CACNA2D1: variants seen among roughly 807,000 people sequenced by gnomAD.
CACNA2D1 encodes calcium voltage-gated channel auxiliary subunit alpha2delta 1, also known as voltage-dependent calcium channel subunit alpha-2/delta-1.
CACNA2D1 carries 53 observed loss-of-function variants against 171.5 expected under a neutral mutation model. That is an observed-to-expected ratio of 0.31 (90% confidence interval 0.25 to 0.39). CACNA2D1 has a LOEUF of 0.39. Ranked by LOEUF, CACNA2D1 falls within the 10% of genes least tolerant of loss-of-function variation. The pLI is 1.00. For synonymous variants in CACNA2D1, 442 were observed against 443.1 expected (o/e 1.00, Z 0.03); for missense variants, 903 against 1,299.8 (o/e 0.69, Z 4.69).
chr7:82,211,552 T>C (rs543463002), intron 3 of CACNA2D1, among the ~76,000 whole-genome samples: 3 of 152,372 alleles, frequency 2.0e-5, no homozygotes, highest in East Asian at 3.9e-4. Context: ...TTCTTTTTTA[T>C]GGCTGTGAAG....
chr7:82,032,915 A>G lies in CACNA2D1; in HGVS notation c.1039-14T>C, dbSNP rs1802884217. On this transcript the variant is annotated splice_polypyrimidine_tract_variant and intron_variant, in intron 11 of 38. Transcript: ENST00000356860. ...GGAAACATTATACTGTTAAAAACAA[A>G]ACCAAACAAAACAATATGCGTATTA... The G allele has an allele frequency of 7.6e-7, 1 of 1,318,120 alleles. No homozygotes were observed. The highest frequency in any genetic ancestry group is 1.1e-6 in the Non-Finnish European group (1 of 912,882). 81.7% of individuals were successfully genotyped at this position (1,318,120 alleles called of 1,614,324 possible). A position where few individuals can be genotyped will look rare whatever the true frequency, so the allele number is the denominator to read the frequency against.
intron 1 of CACNA2D1, among the ~76,000 whole-genome samples, chr7:82,355,052 A>AT (rs1820268447): frequency 6.6e-6 from 1 of 152,080 alleles, no homozygotes; most frequent in African/African-American, 2.4e-5. Flanking sequence ...TCAAATTTTT[A>AT]TTTTTTGCAT....
At position 82,281,405 on chromosome 7, in the gene CACNA2D1, C is replaced by T. The variant is rs1810083130; in HGVS notation, c.294+53730G>A. 2.0e-5 allele frequency among the ~76,000 whole-genome samples: 3 copies of T among 152,174 alleles called. No homozygotes were observed. In the South Asian group the frequency reaches 6.2e-4, roughly 32 times the overall value. ...GCTACACAAAGGAGAGGGGTGGACTCACTGTTCAAGAGACAGCCACAATGT... is the reference window on the plus strand; with the variant it reads ...GCTACACAAAGGAGAGGGGTGGACTTACTGTTCAAGAGACAGCCACAATGT... On this transcript the variant is annotated intron_variant, in intron 3 of 38. Coordinates refer to ENST00000356860, the MANE Select transcript of CACNA2D1 (RefSeq NM_000722.4).
chr7:82,343,981 A>C (rs993667857), intron 2 of CACNA2D1, among the ~76,000 whole-genome samples: 1 of 152,228 alleles, frequency 6.6e-6, no homozygotes, highest in Non-Finnish European at 1.5e-5. Flanking sequence ...GATATGTACC[A>C]ATGCTGATAC....
intron 2 of CACNA2D1, among the ~76,000 whole-genome samples, chr7:82,346,446 C>T (rs1294628184): frequency 6.6e-6 from 1 of 152,030 alleles, no homozygotes; most frequent in Non-Finnish European, 1.5e-5. Flanking sequence ...ATTGGCAGAA[C>T]CAAGGTATAA....
chr7:82,031,057 G>A (rs1239398019), intron 12 of CACNA2D1, among the ~76,000 whole-genome samples: 1 of 151,846 alleles, frequency 6.6e-6, no homozygotes, highest in East Asian at 1.9e-4. Flanking sequence ...ACTATCACTG[G>A]ATCTGTGCTC....
chr7:82,069,342 T>A (rs1357030218), intron 7 of CACNA2D1, among the ~76,000 whole-genome samples: 1 of 152,182 alleles, frequency 6.6e-6, no homozygotes, highest in South Asian at 2.1e-4. Context: ...TCAGTTTAGA[T>A]GACTTTTTAG....
Position 81,974,517 on chromosome 7 carries a change from T to C in CACNA2D1, c.1991A>G (p.Asn664Ser), listed in dbSNP as rs145061599. 3.2e-6 allele frequency: 5 copies of C among 1,574,644 alleles called. No individual in the cohort carries two copies. The East Asian group carries it at 6.8e-5, about 21-fold the overall frequency. Residue 664 changes from asparagine to serine, a missense_variant, in exon 25 of 39, where the codon AAC (asparagine) becomes AGC (serine). Physicochemically the swap from Asn to Ser is conservative, Grantham distance 46. Transcript: ENST00000356860. ...GTTGAAATTTAAAAGAAATTCAGTG[T>C]TATTATCCGATATTTTCAGGTCATT... ...YCNDLKISDNNTEFLLNFNEF... is the reference protein window; with the variant it reads ...YCNDLKISDNSTEFLLNFNEF...
chr7:81,993,692 T>C (rs948139292), intron 20 of CACNA2D1, among the ~76,000 whole-genome samples: 1 of 152,120 alleles, frequency 6.6e-6, no homozygotes, highest in Admixed American at 6.6e-5. Context: ...CATAGAAATC[T>C]GGAGTACAAG....
chr7:82,025,603 C>A (rs1801788665), intron 12 of CACNA2D1, among the ~76,000 whole-genome samples: 1 of 151,602 alleles, frequency 6.6e-6, no homozygotes, highest in Non-Finnish European at 1.5e-5. Flanking sequence ...CAAAAGGAGA[C>A]TATTTATTTC....
chr7:81,978,601 A>T, intron 24 of CACNA2D1, among the ~76,000 whole-genome samples: 1 of 151,944 alleles, frequency 6.6e-6, no homozygotes, highest in Non-Finnish European at 1.5e-5. Flanking sequence ...GAGGGAGAGC[A>T]TCAGGACAAA....
chr7:82,324,653 G>C (rs993050909), intron 3 of CACNA2D1, among the ~76,000 whole-genome samples: 1 of 152,038 alleles, frequency 6.6e-6, no homozygotes, highest in African/African-American at 2.4e-5. Flanking sequence ...TAACGTAAGA[G>C]AGGAAATGTG....
chr7:82,014,820 C>A (rs573036207), intron 12 of CACNA2D1, among the ~76,000 whole-genome samples: 1 of 152,066 alleles, frequency 6.6e-6, no homozygotes, highest in African/African-American at 2.4e-5. Context: ...TCGGGAGGCC[C>A]AGGCGGGCAG....
chr7:82,091,979 C>A (rs1811229298), intron 6 of CACNA2D1, among the ~76,000 whole-genome samples: 1 of 152,134 alleles, frequency 6.6e-6, no homozygotes, highest in Non-Finnish European at 1.5e-5. Context: ...ACTGAATTAG[C>A]AAGCATATTT....
rs1797102054 is a variant in CACNA2D1, at chr7:81,987,599, A to T, written c.1797-2888T>A. Among the ~76,000 whole-genome samples the T allele has an allele frequency of 4.6e-5, 7 of 152,228 alleles. No homozygotes were observed. In the South Asian group the frequency reaches 1.2e-3, roughly 27 times the overall value. ...TCACCAGATGAAAATTTTGTATCTCATTCATGAAATCAAAACATATCATGT... is the reference window on the plus strand; with the variant it reads ...TCACCAGATGAAAATTTTGTATCTCTTTCATGAAATCAAAACATATCATGT... On this transcript the variant is annotated intron_variant, in intron 21 of 38. Transcript: ENST00000356860.
At chr7:82,177,549 T>G (rs1437737207) in intron 3 of CACNA2D1, among the ~76,000 whole-genome samples, 1 of 152,060 alleles carries the variant, frequency 6.6e-6, no homozygotes, top group Non-Finnish European at 1.5e-5. Flanking sequence ...AAAGTTAAGA[T>G]AATATCTGGA....
chr7:82,188,140 C>A (rs1199496526), intron 3 of CACNA2D1, among the ~76,000 whole-genome samples: 2 of 152,114 alleles, frequency 1.3e-5, no homozygotes, highest in Non-Finnish European at 2.9e-5. Context: ...AATCACCTTC[C>A]AAATTCCCCA....
At chr7:82,267,659 T>C (rs39742) in intron 3 of CACNA2D1, among the ~76,000 whole-genome samples, 44,963 of 151,976 alleles carry the variant, frequency 0.3, 7,236 homozygotes, top group Non-Finnish European at 0.36. Flanking sequence ...AACATGATTA[T>C]CTTACTGAAT....
intron 3 of CACNA2D1, among the ~76,000 whole-genome samples, chr7:82,290,759 G>A (rs546626577): frequency 1.6e-4 from 25 of 151,676 alleles, no homozygotes; most frequent in African/African-American, 4.6e-4. Context: ...ACCATGCCGG[G>A]CTAATTTTGT....
Sources: allele counts gnomAD v4.1 joint callset (sites outside exome capture counted in the v4.1 genomes callset), GRCh38; gene constraint gnomAD v4.1.1; transcripts MANE v1.5; gene names NCBI Gene and HGNC (gene_info 2026-07-23, HGNC 2026-07-21).